TDRD7: variants seen among roughly 807,000 people sequenced by gnomAD.
TDRD7 encodes the protein tudor domain-containing protein 7.
In TDRD7, 47 loss-of-function variants were observed where a neutral mutation model predicts 109.8. The observed-to-expected ratio is 0.43, with a 90% CI of 0.34 to 0.55. The LOEUF is 0.55. TDRD7 is among the 20% of genes least tolerant of loss of function. The pLI is 0.03. For synonymous variants in TDRD7, 424 were observed against 457.3 expected, an observed-to-expected ratio of 0.93 and a Z score of 0.93; for missense variants, 1,164 against 1,319.2, an observed-to-expected ratio of 0.88 and a Z score of 1.82.
Position 97,473,469 on chromosome 9 carries a change from G to A in TDRD7, c.1945-23G>A, listed in dbSNP as rs768248484. On this transcript the variant is annotated intron_variant, in intron 10 of 16. Transcript: ENST00000355295. ...CTGCATTCTGCTCTCAAGCATTCAC[G>A]AGGTATCCTTTGTCTGTTATAGGTT... 1.3e-5 allele frequency: 21 copies of A among 1,613,068 alleles called. No individual in the cohort carries two copies. The East Asian group carries it at 1.3e-4, about 10-fold the overall frequency.
intron 1 of TDRD7, among the ~76,000 whole-genome samples, chr9:97,413,194 T>C (rs550113698): frequency 6.6e-6 from 1 of 152,216 alleles, no homozygotes; most frequent in Non-Finnish European, 1.5e-5. Flanking sequence ...TCTAGAGAGA[T>C]AGGCAACAGC....
chr9:97,495,292 A>G (rs745747394), intron 16 of TDRD7, among the ~76,000 whole-genome samples: 4 of 152,218 alleles, frequency 2.6e-5, no homozygotes, highest in Non-Finnish European at 5.9e-5. Flanking sequence ...GTCCATCAGA[A>G]AAAAAATTTT....
At chr9:97,439,652 A>G (rs763490046) in intron 5 of TDRD7, among the ~76,000 whole-genome samples, 2 of 152,224 alleles carry the variant, frequency 1.3e-5, no homozygotes, top group Admixed American at 6.5e-5. Flanking sequence ...GAGGCCTCAC[A>G]TAAAGGAAAC....
At chr9:97,493,494 G>A (rs1829340038) in intron 16 of TDRD7, among the ~76,000 whole-genome samples, 1 of 152,128 alleles carries the variant, frequency 6.6e-6, no homozygotes, top group African/African-American at 2.4e-5. Flanking sequence ...CAAGGCAAAT[G>A]GAGGCAGGGC....
intron 6 of TDRD7, among the ~76,000 whole-genome samples, chr9:97,451,186 C>T (rs1259218045): frequency 6.6e-6 from 1 of 152,078 alleles, no homozygotes; most frequent in East Asian, 1.9e-4. Context: ...GCAGAGAGGG[C>T]ATGGAAGCTC....
intron 1 of TDRD7, among the ~76,000 whole-genome samples, chr9:97,418,709 T>C (rs1827851935): frequency 6.6e-6 from 1 of 152,220 alleles, no homozygotes; most frequent in African/African-American, 2.4e-5. Flanking sequence ...AGAACAAGCC[T>C]CTGATTAGAC....
chr9:97,415,298 G>A (rs530563963), intron 1 of TDRD7, among the ~76,000 whole-genome samples: 84 of 152,336 alleles, frequency 5.5e-4, no homozygotes, highest in African/African-American at 2.0e-3. Context: ...AGCCAGACTA[G>A]CTCAGCTAAA....
chr9:97,482,912 C>T lies in TDRD7; in HGVS notation c.2476C>T (p.Pro826Ser). The T allele has an allele frequency of 6.2e-7, 1 of 1,614,134 alleles. No individual in the cohort carries two copies. The highest frequency in any genetic ancestry group is 1.1e-5 in the South Asian group (1 of 91,086). Residue 826 changes from proline to serine, a missense_variant, in exon 15 of 17, where the codon CCT becomes TCT. Pro to Ser is a moderately conservative substitution (Grantham distance 74). Coordinates refer to ENST00000355295, the MANE Select transcript of TDRD7 (RefSeq NM_014290.3). ...TTATTTATTTACCCCTAAGAACTTCCCTGACCCTCATCGCAGTATTAATCG... is the reference window on the plus strand; with the variant it reads ...TTATTTATTTACCCCTAAGAACTTCTCTGACCCTCATCGCAGTATTAATCG... The part of the protein sequence containing the change: ...HVYLFTPKNF[P>S]DPHRSINRQI...
intron 6 of TDRD7, among the ~76,000 whole-genome samples, chr9:97,444,350 T>G (rs1483881648): frequency 1.3e-5 from 2 of 152,232 alleles, no homozygotes; most frequent in Non-Finnish European, 2.9e-5. Flanking sequence ...ACCAATCATA[T>G]TGATGTCTAC....
At chr9:97,494,162 T>C (rs1411873413) in intron 16 of TDRD7, among the ~76,000 whole-genome samples, 3 of 152,224 alleles carry the variant, frequency 2.0e-5, no homozygotes, top group East Asian at 1.9e-4. Context: ...TGTTCAGAGA[T>C]TGCAGTAAAG....
In TDRD7 at chr9:97,465,141, G is replaced by A. The variant is rs4743099; in HGVS notation, c.1629+113G>A. 0.45 allele frequency: 588,592 copies of A among 1,309,584 alleles called. 134,099 individuals carry two copies. Among genetic ancestry groups the A allele is most frequent in the Admixed American group, 0.53 (22,201 of 41,658 alleles). The allele number at this position is 1,309,584 out of a possible 1,614,324, so 81.1% of individuals were successfully genotyped here. A position where few individuals can be genotyped will look rare whatever the true frequency, so the allele number is the denominator to read the frequency against. On this transcript the variant is annotated intron_variant, in intron 8 of 16. Coordinates refer to ENST00000355295, the MANE Select transcript of TDRD7 (RefSeq NM_014290.3). Reference sequence around the variant, plus strand: ...TAAATGTTGTATCCTATAATTAAATGTAGTTTTCAATGGAAGTTGAAAAGA... The same window carrying A: ...TAAATGTTGTATCCTATAATTAAATATAGTTTTCAATGGAAGTTGAAAAGA...
chr9:97,442,017 T>C (rs896588071), intron 6 of TDRD7, 142 bp downstream of exon 6: 1 of 740,230 alleles, frequency 1.4e-6, no homozygotes, highest in African/African-American at 1.7e-5. Context: ...TCTCTTAAGA[T>C]TAACATATGT....
At chr9:97,475,293 G>A in intron 11 of TDRD7, 90 bp from the exon 12 acceptor site, 1 of 1,008,502 alleles carries the variant, frequency 9.9e-7, no homozygotes, top group Non-Finnish European at 1.6e-6. Flanking sequence ...GGTTAAGTCT[G>A]CCAGTGCCAC....
intron 4 of TDRD7, among the ~76,000 whole-genome samples, chr9:97,434,444 T>TAA (rs892345473): frequency 3.9e-5 from 6 of 152,138 alleles, no homozygotes; most frequent in Admixed American, 3.9e-4. Context: ...TGACTATAGT[T>TAA]AATGATATAT....
At chr9:97,420,318 A>G (rs1209217996) in intron 1 of TDRD7, among the ~76,000 whole-genome samples, 2 of 127,814 alleles carry the variant, frequency 1.6e-5, no homozygotes, top group Admixed American at 9.9e-5. Context: ...TGTATGAACC[A>G]GAGAGGGCTG....
At position 97,428,496 on chromosome 9, in the gene TDRD7, C is replaced by G. The variant is rs1587860673; in HGVS notation, c.31C>G (p.Leu11Val). Reference sequence around the variant, plus strand: ...GGAAGGAGATCTGGTTTCAAAGATGCTACGAGCTGTTCTGCAGTCTCATAA... The same window carrying G: ...GGAAGGAGATCTGGTTTCAAAGATGGTACGAGCTGTTCTGCAGTCTCATAA... MLEGDLVSKM[L>V]RAVLQSHKNG... is the part of the protein sequence containing the mutation. Residue 11 changes from leucine to valine, a missense_variant, in exon 2 of 17, where the codon CTA becomes GTA. Coordinates refer to ENST00000355295, the MANE Select transcript of TDRD7 (RefSeq NM_014290.3). The G allele has an allele frequency of 6.2e-7, 1 of 1,614,006 alleles. No homozygotes were observed. Among genetic ancestry groups the G allele is most frequent in the South Asian group, 1.1e-5 (1 of 91,086 alleles).
chr9:97,470,424 C>A, intron 8 of TDRD7, 134 bp from the exon 9 acceptor site: 1 of 787,408 alleles, frequency 1.3e-6, no homozygotes, highest in Non-Finnish European at 2.1e-6. Context: ...AGGGGCACCT[C>A]CCCAGCTTTT....
chr9:97,456,734 A>G (rs760912951), intron 6 of TDRD7, among the ~76,000 whole-genome samples: 3 of 152,232 alleles, frequency 2.0e-5, no homozygotes, highest in Admixed American at 6.5e-5. Context: ...AAGAAAACCT[A>G]CGCAACACCA....
In TDRD7 at chr9:97,460,296, A is replaced by G. The variant is rs774997060; in HGVS notation, c.974A>G (p.Lys325Arg). 8 of 1,614,104 alleles carry G rather than the reference A, an allele frequency of 5.0e-6. No individual in the cohort carries two copies. Among genetic ancestry groups the G allele is most frequent in the Non-Finnish European group, 5.1e-6 (6 of 1,180,040 alleles). Residue 325 changes from lysine (K) to arginine (R), a missense_variant, in exon 7 of 17, where the codon AAA (lysine) becomes AGA (arginine). By Grantham distance (26) the Lys-to-Arg change is conservative. Transcript: ENST00000355295. ...CCTCTATCCCCACTACCTGGTCCCA[A>G]ACAAACACCACCGTTGAAAGGGTGT... is the stretch of plus-strand genomic sequence containing the variant. ...KVPLSPLPGP[K>R]QTPPLKGCPT... is the part of the protein sequence containing the mutation.
Sources: allele counts gnomAD v4.1 joint callset (sites outside exome capture counted in the v4.1 genomes callset), GRCh38; gene constraint gnomAD v4.1.1; transcripts MANE v1.5; gene names NCBI Gene and HGNC (gene_info 2026-07-23, HGNC 2026-07-21).